The following LHFPL3 variants were observed in gnomAD, a reference collection of about 807,000 sequenced individuals.
The protein encoded by LHFPL3 is LHFPL tetraspan subfamily member 3.
Under a neutral mutation model 19.3 loss-of-function variants are expected in LHFPL3, and 5 were observed. The ratio of observed to expected loss-of-function variants is 0.26; its 90% CI spans 0.14 to 0.54. LHFPL3 has a LOEUF of 0.54. LHFPL3 is among the 20% of genes least tolerant of loss of function. LHFPL3 has a pLI of 0.94. For synonymous variants in LHFPL3, 133 were observed against 126.2 expected (o/e 1.05, Z -0.36); for missense variants, 249 against 307.4 (o/e 0.81, Z 1.42).
At chr7:104,829,733 T>A (rs1193221274) in intron 2 of LHFPL3, among the ~76,000 whole-genome samples, 43 of 151,994 alleles carry the variant, frequency 2.8e-4, no homozygotes, top group African/African-American at 1.0e-3. Flanking sequence ...TCTATCATGG[T>A]TGGACATTTG....
At chr7:104,457,771 C>A (rs1792576048) in intron 1 of LHFPL3, among the ~76,000 whole-genome samples, 1 of 142,326 alleles carries the variant, frequency 7.0e-6, no homozygotes, top group Non-Finnish European at 1.5e-5. Flanking sequence ...TCCTCTCCAG[C>A]ACCTGTTGTT....
chr7:104,645,746 C>T (rs777721556), intron 1 of LHFPL3, among the ~76,000 whole-genome samples: 48 of 141,634 alleles, frequency 3.4e-4, no homozygotes, highest in African/African-American at 6.0e-4. Flanking sequence ...CTGCAAGCTC[C>T]GCCTCCCGGG....
chr7:104,875,142 G>A (rs778536895), intron 2 of LHFPL3, among the ~76,000 whole-genome samples: 5 of 152,062 alleles, frequency 3.3e-5, no homozygotes, highest in Non-Finnish European at 7.4e-5. Context: ...AGCCACTGCA[G>A]CCCTATATGG....
chr7:104,456,706 A>G (rs1032169614), intron 1 of LHFPL3, among the ~76,000 whole-genome samples: 2 of 152,156 alleles, frequency 1.3e-5, no homozygotes, highest in African/African-American at 4.8e-5. Flanking sequence ...GGTGCCCTAA[A>G]TAAGAAAAAT....
At position 104,899,372 on chromosome 7, in the gene LHFPL3, C is replaced by T. The variant is rs557632665; in HGVS notation, c.683-6815C>T. ...CACATTTAACCACTGAACTATATGC[C>T]GCCGAGAAAATCAGGAAACATATTA... On this transcript the variant is annotated intron_variant, in intron 2 of 2. Transcript: ENST00000424859. Among the ~76,000 whole-genome samples, 7 of 151,930 alleles carry T rather than the reference C, an allele frequency of 4.6e-5. No individual in the cohort carries two copies. The South Asian group carries it at 6.3e-4, about 14-fold the overall frequency.
chr7:104,690,056 C>A (rs4302779), intron 1 of LHFPL3, among the ~76,000 whole-genome samples: 79,006 of 152,170 alleles, frequency 0.52, 20,789 homozygotes, highest in East Asian at 0.59. Flanking sequence ...GAAGGGATTG[C>A]AGAGATTAGT....
At position 104,901,866 on chromosome 7, in the gene LHFPL3, G is replaced by A. The variant is rs543728922; in HGVS notation, c.683-4321G>A. 1.6e-4 allele frequency among the ~76,000 whole-genome samples: 25 copies of A among 152,180 alleles called. No homozygotes were observed. The South Asian group carries it at 3.9e-3, about 24-fold the overall frequency. Reference sequence around the variant, plus strand: ...TTACAAGCATGAGCCACCACGACTGGCCCTGCAAGTTTTAAAGAAGCACTC... The same window carrying A: ...TTACAAGCATGAGCCACCACGACTGACCCTGCAAGTTTTAAAGAAGCACTC... On this transcript the variant is annotated intron_variant, in intron 2 of 2. Coordinates refer to ENST00000424859, the MANE Select transcript of LHFPL3 (RefSeq NM_199000.3).
intron 2 of LHFPL3, among the ~76,000 whole-genome samples, chr7:104,792,294 A>G (rs1790037717): frequency 6.6e-6 from 1 of 152,204 alleles, no homozygotes; most frequent in South Asian, 2.1e-4. Flanking sequence ...AATAAAAATA[A>G]AAACAAAAAT....
intron 1 of LHFPL3, among the ~76,000 whole-genome samples, chr7:104,735,560 C>T (rs377202090): frequency 2.5e-4 from 38 of 152,264 alleles, no homozygotes; most frequent in African/African-American, 9.2e-4. Context: ...GCTATGACCA[C>T]TGGAAAAGCG....
At chr7:104,688,153 C>T (rs920061099) in intron 1 of LHFPL3, among the ~76,000 whole-genome samples, 1 of 152,162 alleles carries the variant, frequency 6.6e-6, no homozygotes, top group African/African-American at 2.4e-5. Context: ...ATACCTTTGA[C>T]CATCTGTGGA....
intron 2 of LHFPL3, among the ~76,000 whole-genome samples, chr7:104,809,137 G>A (rs1367642415): frequency 3.9e-5 from 6 of 152,046 alleles, no homozygotes; most frequent in African/African-American, 7.2e-5. Context: ...TCAAGTGATC[G>A]CCCACCTTGG....
intron 1 of LHFPL3, among the ~76,000 whole-genome samples, chr7:104,522,383 G>A (rs1160037185): frequency 2.4e-5 from 2 of 84,198 alleles, no homozygotes; most frequent in Non-Finnish European, 4.5e-5. Flanking sequence ...TCTGGGGACT[G>A]TTGTGGGGTG....
At chr7:104,878,990 C>T (rs775987955) in intron 2 of LHFPL3, among the ~76,000 whole-genome samples, 3 of 152,154 alleles carry the variant, frequency 2.0e-5, no homozygotes, top group Admixed American at 6.5e-5. Context: ...AAAGCCTAGT[C>T]GAGAGCAAAG....
At chr7:104,363,684 C>G (rs1315745239) in intron 1 of LHFPL3, among the ~76,000 whole-genome samples, 1 of 152,254 alleles carries the variant, frequency 6.6e-6, no homozygotes, top group Non-Finnish European at 1.5e-5. Context: ...ATTTGTACCA[C>G]AGATGCCTCA....
intron 1 of LHFPL3, among the ~76,000 whole-genome samples, chr7:104,544,862 G>A (rs965013131): frequency 6.6e-6 from 1 of 152,166 alleles, no homozygotes; most frequent in African/African-American, 2.4e-5. Context: ...TGACCCCGGA[G>A]AAACAAAGAA....
chr7:104,848,140 AAGGG>A (rs781162481), intron 2 of LHFPL3, among the ~76,000 whole-genome samples: 1 of 152,168 alleles, frequency 6.6e-6, no homozygotes, highest in East Asian at 1.9e-4. Flanking sequence ...TTTGGCAGAG[AAGGG>A]AATGAGAGGC....
At chr7:104,823,666 T>C (rs531587953) in intron 2 of LHFPL3, among the ~76,000 whole-genome samples, 22 of 152,308 alleles carry the variant, frequency 1.4e-4, no homozygotes, top group Admixed American at 7.2e-4. Context: ...TATAAGTGCT[T>C]TGAGATTAAT....
chr7:104,567,332 T>C (rs1671573459), intron 1 of LHFPL3, among the ~76,000 whole-genome samples: 1 of 152,268 alleles, frequency 6.6e-6, no homozygotes, highest in Non-Finnish European at 1.5e-5. Context: ...TTGGTCATTC[T>C]CAGGAGATGC....
At chr7:104,478,563 G>A (rs959918970) in intron 1 of LHFPL3, among the ~76,000 whole-genome samples, 5 of 152,258 alleles carry the variant, frequency 3.3e-5, no homozygotes, top group South Asian at 4.1e-4. Context: ...TCCATCTGTG[G>A]CCAGTGGCTT....
Sources: gnomAD v4.1 joint callset for allele counts (sites outside exome capture counted in the v4.1 genomes callset) on GRCh38, gnomAD v4.1.1 for gene constraint, MANE v1.5 for transcripts, NCBI Gene and HGNC (gene_info 2026-07-23, HGNC 2026-07-21) for gene names.